AGBL4: variants seen among roughly 807,000 people sequenced by gnomAD.
AGBL4 encodes the protein cytosolic carboxypeptidase 6.
A neutral mutation model predicts 66.4 loss-of-function variants in AGBL4; 58 were observed. The observed-to-expected ratio is 0.87, with a 90% CI of 0.71 to 1.09. The LOEUF is 1.09. Among genes scored for constraint, AGBL4 ranks in the 50% least tolerant of loss-of-function variants. The pLI, the probability that AGBL4 is intolerant of heterozygous loss-of-function variation, is 0.00. For synonymous variants in AGBL4, 234 were observed against 222.9 expected, an observed-to-expected ratio of 1.05 and a Z score of -0.44; for missense variants, 579 against 631.0, an observed-to-expected ratio of 0.92 and a Z score of 0.88.
At chr1:49,243,093 A>G (rs1651365453) in intron 4 of AGBL4, among the ~76,000 whole-genome samples, 1 of 151,268 alleles carries the variant, frequency 6.6e-6, no homozygotes, top group African/African-American at 2.4e-5. Context: ...ATTTTAAATT[A>G]TATATATAAT....
intron 3 of AGBL4, among the ~76,000 whole-genome samples, chr1:49,378,012 A>T (rs576372615): frequency 7.8e-4 from 112 of 142,810 alleles, no homozygotes; most frequent in Non-Finnish European, 1.4e-3. Flanking sequence ...CCCAACACAA[A>T]CTTCATGCCT....
intron 3 of AGBL4, among the ~76,000 whole-genome samples, chr1:49,632,462 T>G (rs1309610574): frequency 3.3e-5 from 5 of 152,142 alleles, no homozygotes; most frequent in African/African-American, 1.2e-4. Context: ...TTCCCTCTGG[T>G]CCATGTGGAA....
intron 3 of AGBL4, among the ~76,000 whole-genome samples, chr1:49,535,382 AATAAG>A (rs938178672): frequency 3.4e-5 from 5 of 148,170 alleles, no homozygotes; most frequent in East Asian, 1.9e-4. Flanking sequence ...TATAATATAT[AATAAG>A]ATAAGATAAA....
chr1:49,700,172 G>C (rs1230839014), intron 2 of AGBL4, among the ~76,000 whole-genome samples: 2 of 151,352 alleles, frequency 1.3e-5, no homozygotes, highest in Non-Finnish European at 3.0e-5. Context: ...CTATTAATAA[G>C]AAAGCAAATG....
intron 5 of AGBL4, among the ~76,000 whole-genome samples, chr1:48,878,600 A>G (rs72891898): frequency 0.012 from 1,771 of 152,204 alleles, 33 homozygotes; most frequent in African/African-American, 0.04. Flanking sequence ...GGCCACAGAC[A>G]TTATCACTGT....
At chr1:49,023,717 G>C (rs746066841) in intron 5 of AGBL4, among the ~76,000 whole-genome samples, 3 of 152,062 alleles carry the variant, frequency 2.0e-5, no homozygotes, top group Non-Finnish European at 4.4e-5. Flanking sequence ...CTTATCCATC[G>C]CCATTAACTT....
At chr1:49,418,416 C>A (rs1489782249) in intron 3 of AGBL4, among the ~76,000 whole-genome samples, 1 of 152,070 alleles carries the variant, frequency 6.6e-6, no homozygotes, top group Admixed American at 6.6e-5. Flanking sequence ...AGGTCCCTAC[C>A]CTCATGGAGT....
chr1:49,685,505 T>G (rs548452330), intron 3 of AGBL4, among the ~76,000 whole-genome samples: 1 of 152,332 alleles, frequency 6.6e-6, no homozygotes, highest in African/African-American at 2.4e-5. Flanking sequence ...CTGGACTAAC[T>G]TACACTCTCA....
At chr1:48,745,057 G>A (rs1008238293) in intron 6 of AGBL4, among the ~76,000 whole-genome samples, 9 of 152,152 alleles carry the variant, frequency 5.9e-5, no homozygotes, top group Admixed American at 3.9e-4. Flanking sequence ...TCTGCCTGTC[G>A]GTTTTCAACA....
At chr1:48,562,247 A>G (rs1343111192) in intron 11 of AGBL4, among the ~76,000 whole-genome samples, 1 of 152,150 alleles carries the variant, frequency 6.6e-6, no homozygotes, top group Non-Finnish European at 1.5e-5. Flanking sequence ...AAGATCCCCT[A>G]AGATATGGGA....
intron 3 of AGBL4, among the ~76,000 whole-genome samples, chr1:49,289,312 A>C (rs1473251007): frequency 6.6e-6 from 1 of 152,230 alleles, no homozygotes; most frequent in Non-Finnish European, 1.5e-5. Flanking sequence ...CTGGCATACT[A>C]TGCAGTAATG....
chr1:49,119,188 T>C (rs1243031323), intron 4 of AGBL4, among the ~76,000 whole-genome samples: 4 of 152,242 alleles, frequency 2.6e-5, no homozygotes, highest in African/African-American at 9.6e-5. Flanking sequence ...TTTTCGTGTC[T>C]CTATCTCTTT....
chr1:49,535,796 A>G (rs911309359), intron 3 of AGBL4, among the ~76,000 whole-genome samples: 1 of 152,118 alleles, frequency 6.6e-6, no homozygotes, highest in African/African-American at 2.4e-5. Flanking sequence ...GGTTCACGCC[A>G]TTCTCCTGCC....
At chr1:48,526,933 T>A in the AGBL4 span, among the ~76,000 whole-genome samples, 1 of 152,132 alleles carries the variant, frequency 6.6e-6, no homozygotes, top group Admixed American at 6.5e-5. Flanking sequence ...ATGAAGATCA[T>A]CCAGGACCGC....
At chr1:49,215,049 T>C (rs1648976069) in intron 4 of AGBL4, among the ~76,000 whole-genome samples, 1 of 152,182 alleles carries the variant, frequency 6.6e-6, no homozygotes, top group African/African-American at 2.4e-5. Flanking sequence ...TCCATTTTTC[T>C]CCACTGAAAT....
chr1:49,356,256 C>A (rs1310802639), intron 3 of AGBL4, among the ~76,000 whole-genome samples: 1 of 152,160 alleles, frequency 6.6e-6, no homozygotes, highest in Non-Finnish European at 1.5e-5. Context: ...CTTCCCCATT[C>A]ATCATGACTT....
chr1:49,954,314 A>G (rs1318872089), intron 1 of AGBL4, among the ~76,000 whole-genome samples: 1 of 152,052 alleles, frequency 6.6e-6, no homozygotes, highest in Non-Finnish European at 1.5e-5. Flanking sequence ...GCCAGTATTA[A>G]CAGTATTAAG....
intron 3 of AGBL4, among the ~76,000 whole-genome samples, chr1:49,445,801 T>C (rs1646141154): frequency 6.6e-6 from 1 of 152,116 alleles, no homozygotes; most frequent in Non-Finnish European, 1.5e-5. Flanking sequence ...TTTACAGAAT[T>C]CTTTTGTATC....
chr1:49,372,580 ATCTT>A (rs566334117), intron 3 of AGBL4, among the ~76,000 whole-genome samples: 57 of 151,428 alleles, frequency 3.8e-4, no homozygotes, highest in East Asian at 7.8e-4. Flanking sequence ...GCCCAGTTCA[ATCTT>A]TCTTTCTTTC....
Sources: gnomAD v4.1 joint callset for allele counts (sites outside exome capture counted in the v4.1 genomes callset) on GRCh38, gnomAD v4.1.1 for gene constraint, MANE v1.5 for transcripts, NCBI Gene and HGNC (gene_info 2026-07-23, HGNC 2026-07-21) for gene names.